Variants in MSRB3 observed in about 807,000 individuals in gnomAD.
The protein encoded by MSRB3 is methionine sulfoxide reductase B3.
A neutral mutation model predicts 21.0 loss-of-function variants in MSRB3; 13 were observed. The ratio of observed to expected loss-of-function variants is 0.62; its 90% confidence interval spans 0.40 to 0.98. The LOEUF is 0.98. MSRB3 is among the 50% of genes least tolerant of loss of function. The pLI is 0.00. For missense variants in MSRB3, 199 were observed against 230.3 expected (o/e 0.86, Z 0.88); for synonymous variants, 87 against 88.6 (o/e 0.98, Z 0.10).
intron 1 of MSRB3, among the ~76,000 whole-genome samples, chr12:65,308,036 T>C (rs1459623493): frequency 6.6e-6 from 1 of 152,218 alleles, no homozygotes; most frequent in Non-Finnish European, 1.5e-5. Context: ...GGAAAGAACA[T>C]GGCTTTGCAG....
At chr12:65,348,308 T>A (rs935653689) in intron 4 of MSRB3, among the ~76,000 whole-genome samples, 3 of 152,200 alleles carry the variant, frequency 2.0e-5, no homozygotes, top group Non-Finnish European at 4.4e-5. Flanking sequence ...CCTGGTTTAG[T>A]CTTGGGAGGG....
intron 5 of MSRB3, among the ~76,000 whole-genome samples, chr12:65,427,053 A>G (rs1881633493): frequency 6.6e-6 from 1 of 152,120 alleles, no homozygotes; most frequent in South Asian, 2.1e-4. Flanking sequence ...CTTTAGGGTC[A>G]CCTACTGGGA....
intron 4 of MSRB3, among the ~76,000 whole-genome samples, chr12:65,352,357 A>T (rs1877070061): frequency 6.6e-6 from 1 of 150,548 alleles, no homozygotes; most frequent in Non-Finnish European, 1.5e-5. Context: ...AGCCAATATC[A>T]TACTGAATGG....
chr12:65,452,134 T>C (rs1372224796), intron 5 of MSRB3, among the ~76,000 whole-genome samples: 1 of 152,192 alleles, frequency 6.6e-6, no homozygotes, highest in African/African-American at 2.4e-5. Flanking sequence ...GTAAGGTAGC[T>C]TTATGGTAAA....
At chr12:65,357,730 A>G (rs1877469914) in intron 4 of MSRB3, among the ~76,000 whole-genome samples, 1 of 151,916 alleles carries the variant, frequency 6.6e-6, no homozygotes, top group Non-Finnish European at 1.5e-5. Context: ...ATTTTGCAGG[A>G]TGCTCCTCTG....
chr12:65,346,595 TC>T (rs1289087250), intron 4 of MSRB3, among the ~76,000 whole-genome samples: 1 of 152,142 alleles, frequency 6.6e-6, no homozygotes, highest in African/African-American at 2.4e-5. Context: ...TTTAATTAGA[TC>T]CCATTTGTCA....
chr12:65,448,267 G>A (rs1414013021), intron 5 of MSRB3, among the ~76,000 whole-genome samples: 3 of 152,140 alleles, frequency 2.0e-5, no homozygotes, highest in Admixed American at 1.3e-4. Context: ...TTTCATTTAT[G>A]AGATAGTTTT....
At chr12:65,303,710 T>C (rs17824535) in intron 1 of MSRB3, among the ~76,000 whole-genome samples, 34,757 of 152,010 alleles carry the variant, frequency 0.23, 4,669 homozygotes, top group Admixed American at 0.36. Flanking sequence ...GTTAAGGGGT[T>C]TATAATCTAG....
chr12:65,349,177 C>G (rs1002617223), intron 4 of MSRB3, among the ~76,000 whole-genome samples: 1 of 151,948 alleles, frequency 6.6e-6, no homozygotes, highest in Admixed American at 6.6e-5. Flanking sequence ...TTTGTTCTTG[C>G]GATAGTTTAC....
intron 4 of MSRB3, among the ~76,000 whole-genome samples, chr12:65,336,942 G>C (rs757371964): frequency 6.6e-6 from 1 of 152,162 alleles, no homozygotes; most frequent in African/African-American, 2.4e-5. Flanking sequence ...GAAACATCGT[G>C]TCTTAAAAGT....
chr12:65,308,267 C>T (rs1873774484), intron 1 of MSRB3, among the ~76,000 whole-genome samples: 1 of 152,176 alleles, frequency 6.6e-6, no homozygotes, highest in African/African-American at 2.4e-5. Context: ...TGTTTTTAAA[C>T]TTCCTCTCTT....
intron 2 of MSRB3, among the ~76,000 whole-genome samples, chr12:65,311,731 C>G (rs1238147541): frequency 6.6e-6 from 1 of 151,998 alleles, no homozygotes; most frequent in Non-Finnish European, 1.5e-5. Flanking sequence ...AAAAAGATGT[C>G]TGTTCCCTAA....
intron 2 of MSRB3, among the ~76,000 whole-genome samples, chr12:65,323,314 C>T (rs1029482168): frequency 3.3e-5 from 5 of 152,142 alleles, no homozygotes; most frequent in Non-Finnish European, 7.3e-5. Flanking sequence ...GGACAAGCTT[C>T]GCTATAAAAA....
At chr12:65,462,333 C>T (rs144772598) in intron 6 of MSRB3, among the ~76,000 whole-genome samples, 82 of 152,284 alleles carry the variant, frequency 5.4e-4, no homozygotes, top group African/African-American at 1.8e-3. Flanking sequence ...TAGGGGTGTT[C>T]ACTGAGCCAG....
intron 4 of MSRB3, among the ~76,000 whole-genome samples, chr12:65,354,034 A>T (rs954879724): frequency 1.3e-5 from 2 of 151,928 alleles, no homozygotes; most frequent in Admixed American, 6.6e-5. Flanking sequence ...TCTTTTCTTT[A>T]GGAATGTTGA....
intron 5 of MSRB3, among the ~76,000 whole-genome samples, chr12:65,429,979 A>T: frequency 6.6e-6 from 1 of 152,158 alleles, no homozygotes; most frequent in Non-Finnish European, 1.5e-5. Flanking sequence ...GTAGAATCCA[A>T]TGCAAAGATC....
chr12:65,342,663 T>C (rs1484636817), intron 4 of MSRB3, among the ~76,000 whole-genome samples: 2 of 151,976 alleles, frequency 1.3e-5, no homozygotes, highest in Non-Finnish European at 2.9e-5. Context: ...CATAAAGATA[T>C]AGCTACAAGA....
At chr12:65,376,623 T>A (rs1878639816) in intron 5 of MSRB3, among the ~76,000 whole-genome samples, 1 of 148,594 alleles carries the variant, frequency 6.7e-6, no homozygotes, top group Non-Finnish European at 1.5e-5. Flanking sequence ...AAGTGGGAGG[T>A]GAACAATGAG....
chr12:65,390,672 T>C (rs1360961030), intron 5 of MSRB3, among the ~76,000 whole-genome samples: 1 of 152,166 alleles, frequency 6.6e-6, no homozygotes, highest in Non-Finnish European at 1.5e-5. Context: ...AGTGAAAGAA[T>C]GTTCATAGAA....
Sources: gnomAD v4.1 joint callset for allele counts (sites outside exome capture counted in the v4.1 genomes callset) on GRCh38, gnomAD v4.1.1 for gene constraint, MANE v1.5 for transcripts, NCBI Gene and HGNC (gene_info 2026-07-23, HGNC 2026-07-21) for gene names.